CACNB2: variants seen among roughly 807,000 people sequenced by gnomAD.
CACNB2 encodes voltage-dependent L-type calcium channel subunit beta-2.
Under a neutral mutation model 73.3 loss-of-function variants are expected in CACNB2, and 42 were observed. The ratio of observed to expected loss-of-function variants is 0.57; its 90% CI spans 0.45 to 0.74. The LOEUF (loss-of-function observed/expected upper bound fraction) is 0.74. Among genes scored for constraint, CACNB2 ranks in the 30% least tolerant of loss-of-function variants. The probability of loss-of-function intolerance (pLI) is 0.00; values close to 1 mark genes in which losing one functional copy is unlikely to be tolerated. For synonymous variants in CACNB2, 348 were observed against 310.3 expected (o/e 1.12, Z -1.28); for missense variants, 940 against 853.0 (o/e 1.10, Z -1.27).
intron 3 of CACNB2, among the ~76,000 whole-genome samples, chr10:18,467,596 G>A (rs2047963418): frequency 6.6e-6 from 1 of 152,172 alleles, no homozygotes; most frequent in Admixed American, 6.5e-5. Context: ...GGATTTCTAG[G>A]GAAGGAGAAT....
intron 3 of CACNB2, among the ~76,000 whole-genome samples, chr10:18,475,745 T>G (rs1589466173): frequency 6.6e-6 from 1 of 152,214 alleles, no homozygotes; most frequent in Admixed American, 6.5e-5. Flanking sequence ...GTGTGTCCCC[T>G]GTGCCAGGCA....
At chr10:18,231,807 A>T (rs1470186539) in intron 2 of CACNB2, among the ~76,000 whole-genome samples, 1 of 152,154 alleles carries the variant, frequency 6.6e-6, no homozygotes, top group Non-Finnish European at 1.5e-5. Flanking sequence ...TTCAAGACTC[A>T]TTGTTCACTG....
rs1474013033 is a variant in CACNB2 at position 18,367,201 on chromosome 10, CAAAT to C, written c.214-34721_214-34718del. Among the ~76,000 whole-genome samples the C allele has an allele frequency of 2.4e-4, 29 of 118,850 alleles. No individual in the cohort carries two copies. In the East Asian group the frequency reaches 0.014, roughly 57 times the overall value. The allele number at this position is 118,850 out of a possible 152,430, so 78.0% of individuals were successfully genotyped here. ...TGTTGTCACTAACAGTAATATAAAACAAATAGTATTTTTTTTTTTTCCCTTAGGG... is the reference window on the plus strand; with the variant it reads ...TGTTGTCACTAACAGTAATATAAAACAGTATTTTTTTTTTTTCCCTTAGGG... On this transcript the variant is annotated intron_variant, in intron 2 of 13. Transcript: ENST00000324631.
chr10:18,431,995 C>T (rs940687950), intron 3 of CACNB2, among the ~76,000 whole-genome samples: 1 of 152,152 alleles, frequency 6.6e-6, no homozygotes, highest in Admixed American at 6.5e-5. Flanking sequence ...GAACTCCTGA[C>T]CTCGTGATCC....
intron 2 of CACNB2, chr10:18,400,818 T>C: frequency 2.1e-6 from 3 of 1,443,770 alleles, no homozygotes; most frequent in Non-Finnish European, 2.7e-6. Context: ...CGAGTGTGTG[T>C]TTTCAGCCCC....
At chr10:18,361,849 G>T (rs1034845319) in intron 2 of CACNB2, among the ~76,000 whole-genome samples, 1 of 152,054 alleles carries the variant, frequency 6.6e-6, no homozygotes, top group African/African-American at 2.4e-5. Flanking sequence ...CTGACCTCAA[G>T]CAATCTGCCC....
At chr10:18,418,654 G>A (rs1344102475) in intron 3 of CACNB2, among the ~76,000 whole-genome samples, 2 of 152,246 alleles carry the variant, frequency 1.3e-5, no homozygotes, top group Middle Eastern at 3.4e-3. Context: ...TAAGACAAAC[G>A]CCAATATGTA....
intron 3 of CACNB2, among the ~76,000 whole-genome samples, chr10:18,491,818 TTAAAAAAAAA>T (rs2049446248): frequency 4.4e-5 from 1 of 22,654 alleles, no homozygotes; most frequent in South Asian, 2.2e-3. Context: ...TTCAAGTTGG[TTAAAAAAAAA>T]AAAAAAAAAA....
At chr10:18,390,404 G>A (rs1035333878) in intron 2 of CACNB2, among the ~76,000 whole-genome samples, 4 of 152,192 alleles carry the variant, frequency 2.6e-5, no homozygotes, top group Admixed American at 1.3e-4. Flanking sequence ...GTAGCGATGG[G>A]GGTTTCACCA....
chr10:18,191,717 G>A (rs561895683), intron 2 of CACNB2, among the ~76,000 whole-genome samples: 94 of 152,158 alleles, frequency 6.2e-4, no homozygotes, highest in African/African-American at 2.0e-3. Flanking sequence ...GAGTTACTTC[G>A]CTGAGAATAA....
At chr10:18,415,465 C>A (rs1227947747) in intron 3 of CACNB2, among the ~76,000 whole-genome samples, 3 of 36,174 alleles carry the variant, frequency 8.3e-5, no homozygotes, top group Non-Finnish European at 1.7e-4. Flanking sequence ...GACCTTGTCT[C>A]TTAAAAAAAA....
chr10:18,458,354 A>G (rs1043125095), intron 3 of CACNB2, among the ~76,000 whole-genome samples: 1 of 152,218 alleles, frequency 6.6e-6, no homozygotes, highest in East Asian at 1.9e-4. Context: ...ATGTTTTACT[A>G]TTAATTTGCA....
intron 2 of CACNB2, among the ~76,000 whole-genome samples, chr10:18,277,485 A>G (rs1027559467): frequency 6.6e-6 from 1 of 152,228 alleles, no homozygotes; most frequent in African/African-American, 2.4e-5. Context: ...ACTCTAATAC[A>G]ACGAGGAAAA....
At chr10:18,322,959 C>CTTT (rs35664294) in intron 2 of CACNB2, among the ~76,000 whole-genome samples, 161 of 106,294 alleles carry the variant, frequency 1.5e-3, no homozygotes, top group Non-Finnish European at 2.4e-3. Flanking sequence ...TGGTGATATT[C>CTTT]TTTTTTTTTT....
At chr10:18,171,180 G>A (rs1023234014) in intron 2 of CACNB2, among the ~76,000 whole-genome samples, 4 of 151,934 alleles carry the variant, frequency 2.6e-5, no homozygotes, top group African/African-American at 7.3e-5. Context: ...ATTCAGTCCT[G>A]TCTTCTGCCA....
intron 2 of CACNB2, among the ~76,000 whole-genome samples, chr10:18,349,899 C>A (rs566493160): frequency 2.0e-5 from 3 of 152,092 alleles, no homozygotes; most frequent in Non-Finnish European, 2.9e-5. Flanking sequence ...ACCTGTATTG[C>A]GCACGTATGT....
chr10:18,367,937 C>A (rs1374551003), intron 2 of CACNB2, among the ~76,000 whole-genome samples: 1 of 152,086 alleles, frequency 6.6e-6, no homozygotes, highest in Non-Finnish European at 1.5e-5. Flanking sequence ...TGTTAAGAAA[C>A]GAACCTATGT....
intron 2 of CACNB2, among the ~76,000 whole-genome samples, chr10:18,366,237 G>A (rs1474002093): frequency 2.6e-5 from 4 of 151,920 alleles, no homozygotes; most frequent in African/African-American, 4.8e-5. Flanking sequence ...AGGCCGAGGC[G>A]GGCGGATCAC....
In CACNB2 at chr10:18,274,907, T is replaced by C. The variant is rs201051892; in HGVS notation, c.213+123932T>C. 4.6e-5 allele frequency among the ~76,000 whole-genome samples: 7 copies of C among 152,168 alleles called. No individual in the cohort carries two copies. The East Asian group carries it at 1.3e-3, about 29-fold the overall frequency. On this transcript the variant is annotated intron_variant, in intron 2 of 13. Coordinates refer to ENST00000324631, the MANE Select transcript of CACNB2 (RefSeq NM_201596.3). ...TTTTCTTCTCTGTATGATTTCTTAT[T>C]ACACAGTTTTATTTTTCCAATGAAC...
Sources: gnomAD v4.1 joint callset for allele counts (sites outside exome capture counted in the v4.1 genomes callset) on GRCh38, gnomAD v4.1.1 for gene constraint, MANE v1.5 for transcripts, NCBI Gene and HGNC (gene_info 2026-07-23, HGNC 2026-07-21) for gene names.